OSBPL1A: variants seen among roughly 807,000 people sequenced by gnomAD.
OSBPL1A encodes oxysterol binding protein like 1A.
A neutral mutation model predicts 137.1 loss-of-function variants in OSBPL1A; 80 were observed. The observed-to-expected ratio is 0.58, with a 90% CI of 0.49 to 0.70. The LOEUF (loss-of-function observed/expected upper bound fraction) is 0.70, where lower values mean the gene tolerates loss of function less well. Among genes scored for constraint, OSBPL1A ranks in the 30% least tolerant of loss-of-function variants. OSBPL1A has a pLI of 0.00. For synonymous variants in OSBPL1A, 365 were observed against 389.7 expected, an observed-to-expected ratio of 0.94 and a Z score of 0.75; for missense variants, 970 against 1,129.4, an observed-to-expected ratio of 0.86 and a Z score of 2.02.
intron 13 of OSBPL1A, among the ~76,000 whole-genome samples, chr18:24,309,930 C>T (rs1372495330): frequency 4.0e-5 from 6 of 151,680 alleles, no homozygotes. Context: ...GCCTGTAATC[C>T]CAGCTACTCA....
chr18:24,205,508 C>T (rs1188849449), intron 17 of OSBPL1A, among the ~76,000 whole-genome samples: 1 of 152,110 alleles, frequency 6.6e-6, no homozygotes. Flanking sequence ...CATATGTGTG[C>T]ATTATGTGGT....
At chr18:24,293,124 A>G (rs1462802373) in intron 14 of OSBPL1A, among the ~76,000 whole-genome samples, 61 of 91,184 alleles carry the variant, frequency 6.7e-4, no homozygotes, top group Non-Finnish European at 8.2e-4. Flanking sequence ...AAAAAAAAAA[A>G]AAAAGAAAAG....
chr18:24,280,047 A>G (rs2089926158), intron 15 of OSBPL1A, among the ~76,000 whole-genome samples: 1 of 152,082 alleles, frequency 6.6e-6, no homozygotes, highest in Admixed American at 6.5e-5. Context: ...CCCAGGCTCA[A>G]GTGATTCTCT....
chr18:24,193,978 C>T (rs567386174), intron 18 of OSBPL1A, among the ~76,000 whole-genome samples: 71 of 152,302 alleles, frequency 4.7e-4, no homozygotes, highest in Middle Eastern at 3.4e-3. Context: ...TCCAACATAA[C>T]ATCATCTCCT....
chr18:24,233,320 C>T (rs1005216912), intron 16 of OSBPL1A, among the ~76,000 whole-genome samples: 27 of 152,244 alleles, frequency 1.8e-4, no homozygotes, highest in African/African-American at 4.8e-4. Context: ...TCCAACTTTA[C>T]TGTAAACCCC....
intron 18 of OSBPL1A, among the ~76,000 whole-genome samples, chr18:24,183,435 CTTT>C (rs35407694): frequency 7.2e-6 from 1 of 139,244 alleles, no homozygotes. Flanking sequence ...TTTTCTTTTT[CTTT>C]TTTTTTTTTT....
At chr18:24,325,448 C>G (rs1021822060) in intron 7 of OSBPL1A, among the ~76,000 whole-genome samples, 1 of 152,252 alleles carries the variant, frequency 6.6e-6, no homozygotes, top group African/African-American at 2.4e-5. Context: ...CACTGGCTTT[C>G]CATTTTCCTT....
At chr18:24,239,111 A>G (rs571023298) in intron 16 of OSBPL1A, 109 bp downstream of exon 16, 2 of 1,324,074 alleles carry the variant, frequency 1.5e-6, no homozygotes, top group South Asian at 1.5e-5. Flanking sequence ...TTATTCCAGG[A>G]AACTCTAGGT....
chr18:24,321,657 G>T (rs369317424), intron 7 of OSBPL1A: 2 of 515,482 alleles, frequency 3.9e-6, no homozygotes, highest in South Asian at 1.5e-5. Flanking sequence ...GGAGCACTGG[G>T]TATGTATGAA....
At chr18:24,277,375 C>T (rs1377373037) in intron 15 of OSBPL1A, among the ~76,000 whole-genome samples, 1 of 152,066 alleles carries the variant, frequency 6.6e-6, no homozygotes, top group Non-Finnish European at 1.5e-5. Context: ...TAACTGCCAT[C>T]AAAAAAGACT....
chr18:24,381,100 C>G (rs748203882), intron 1 of OSBPL1A, among the ~76,000 whole-genome samples: 17 of 152,064 alleles, frequency 1.1e-4, no homozygotes, highest in Non-Finnish European at 2.2e-4. Context: ...TATTCAGGAC[C>G]CCCGTGGTAG....
intron 12 of OSBPL1A, among the ~76,000 whole-genome samples, chr18:24,313,829 C>CAG (rs2090669821): frequency 6.6e-6 from 1 of 152,212 alleles, no homozygotes; most frequent in South Asian, 2.1e-4. Flanking sequence ...AGGCCAGGCA[C>CAG]AGTGGCTCAT....
intron 15 of OSBPL1A, among the ~76,000 whole-genome samples, chr18:24,276,567 T>C (rs2632437): frequency 0.68 from 103,657 of 151,932 alleles, 37,698 homozygotes; most frequent in African/African-American, 0.92. Flanking sequence ...ACTCAGCCTC[T>C]CGAGTAGCTG....
intron 1 of OSBPL1A, among the ~76,000 whole-genome samples, chr18:24,390,849 C>T (rs770085169): frequency 6.6e-5 from 10 of 151,936 alleles, no homozygotes; most frequent in South Asian, 2.1e-4. Context: ...GCTGTAATCG[C>T]GGCACTTTGG....
intron 15 of OSBPL1A, among the ~76,000 whole-genome samples, chr18:24,265,167 T>C (rs2089540859): frequency 6.6e-6 from 1 of 152,152 alleles, no homozygotes; most frequent in African/African-American, 2.4e-5. Context: ...TATTCAAAAT[T>C]AAATAAGTTC....
At chr18:24,275,332 A>G (rs1332590859) in intron 15 of OSBPL1A, among the ~76,000 whole-genome samples, 1 of 152,168 alleles carries the variant, frequency 6.6e-6, no homozygotes. Context: ...GCAGATGCAG[A>G]TAAAAACTGG....
chr18:24,249,837 C>T (rs765100771), intron 15 of OSBPL1A, among the ~76,000 whole-genome samples: 25 of 152,166 alleles, frequency 1.6e-4, no homozygotes, highest in Admixed American at 7.9e-4. Context: ...CTAGGACACA[C>T]GGACTGCAAT....
intron 25 of OSBPL1A, among the ~76,000 whole-genome samples, chr18:24,167,004 C>G (rs1359245250): frequency 6.6e-6 from 1 of 152,206 alleles, no homozygotes; most frequent in Non-Finnish European, 1.5e-5. Context: ...TCATTCCTTG[C>G]TGGGTCTGGA....
chr18:24,244,388 T>C (rs778130686), intron 15 of OSBPL1A, among the ~76,000 whole-genome samples: 1 of 152,230 alleles, frequency 6.6e-6, no homozygotes, highest in Non-Finnish European at 1.5e-5. Context: ...TATAATTGTA[T>C]ATGTGTTTAT....
Sources: allele counts gnomAD v4.1 joint callset (sites outside exome capture counted in the v4.1 genomes callset), GRCh38; gene constraint gnomAD v4.1.1; transcripts MANE v1.5; gene names NCBI Gene and HGNC (gene_info 2026-07-23, HGNC 2026-07-21).